Variants in PATJ observed in about 807,000 individuals in gnomAD.
The protein encoded by PATJ is PATJ crumbs cell polarity complex component, also known as inaD-like protein.
PATJ carries 190 observed loss-of-function variants against 224.9 expected under a neutral mutation model. That is an observed-to-expected ratio of 0.84 (90% CI 0.75 to 0.95). The LOEUF is 0.95. PATJ is among the 40% of genes least tolerant of loss of function. PATJ has a pLI of 0.00. For missense variants in PATJ, 2,121 were observed against 2,270.3 expected, an observed-to-expected ratio of 0.93 and a Z score of 1.34; for synonymous variants, 769 against 820.3, an observed-to-expected ratio of 0.94 and a Z score of 1.07.
Position 62,114,116 on chromosome 1 carries a change from C to A in PATJ, c.4525C>A (p.Pro1509Thr), listed in dbSNP as rs752169166. The A allele has an allele frequency of 1.2e-6, 2 of 1,614,126 alleles. No individual in the cohort carries two copies. The highest frequency in any genetic ancestry group is 1.1e-5 in the South Asian group (1 of 91,074). The stretch of plus-strand genomic sequence containing the variant: ...AGCCATCACAGCCCTGAGGCAGACC[C>A]CCCAGAAGGTGCGGCTGGTGGTGTA... ...EEAITALRQTPQKVRLVVYRD... is the reference protein window; with the variant it reads ...EEAITALRQTTQKVRLVVYRD... The change falls in exon 35 of 44, where the codon CCC becomes ACC. Residue 1509 changes from proline (P) to threonine (T), a missense_variant. Physicochemically the swap from Pro to Thr is conservative, Grantham distance 38. Coordinates refer to ENST00000642238, the MANE Select transcript of PATJ (RefSeq NM_001350145.3).
At chr1:61,920,329 C>T (rs1047802608) in intron 26 of PATJ, among the ~76,000 whole-genome samples, 1 of 152,016 alleles carries the variant, frequency 6.6e-6, no homozygotes, top group Non-Finnish European at 1.5e-5. Flanking sequence ...ATCATGGGGG[C>T]GGGTCTTTCC....
At chr1:62,042,359 G>A (rs886520137) in intron 30 of PATJ, among the ~76,000 whole-genome samples, 4 of 152,156 alleles carry the variant, frequency 2.6e-5, no homozygotes, top group African/African-American at 9.7e-5. Flanking sequence ...TATGTGAAGA[G>A]GACGCATATC....
In PATJ at chr1:62,161,198, A is replaced by AGGTTTCAT. The variant is rs1424964319; in HGVS notation, c.*146_*153dup. The AGGTTTCAT allele has an allele frequency of 5.6e-6, 3 of 539,212 alleles. No individual in the cohort carries two copies. In the African/African-American group the frequency reaches 5.8e-5, roughly 10 times the overall value. The allele number at this position is 539,212 out of a possible 1,614,324, so 33.4% of individuals were successfully genotyped here. On this transcript the variant is annotated 3_prime_UTR_variant, in exon 44 of 44. Coordinates refer to ENST00000642238, the MANE Select transcript of PATJ (RefSeq NM_001350145.3). ...CCTCTCTGCTCAGGAGAAATGGCTG[A>AGGTTTCAT]GGTTTCATGTGAATTTCCCAAATCA...
chr1:62,147,796 TAAA>T (rs34657838), intron 41 of PATJ, among the ~76,000 whole-genome samples: 2 of 128,448 alleles, frequency 1.6e-5, no homozygotes, highest in Non-Finnish European at 3.3e-5. Context: ...AGACTCCGAC[TAAA>T]AAAAAAAAAA....
intron 31 of PATJ, among the ~76,000 whole-genome samples, chr1:62,068,122 G>A (rs545073802): frequency 6.6e-6 from 1 of 152,172 alleles, no homozygotes; most frequent in Non-Finnish European, 1.5e-5. Flanking sequence ...CTCAGTTCAC[G>A]TCATTCACCT....
chr1:61,787,459 A>T (rs1286869636), intron 7 of PATJ, among the ~76,000 whole-genome samples: 1 of 152,280 alleles, frequency 6.6e-6, no homozygotes, highest in South Asian at 2.1e-4. Context: ...TCTTCCTTGC[A>T]CACGTGACCA....
At position 62,161,266 on chromosome 1, in the gene PATJ, C is replaced by T. The variant is rs899247615; in HGVS notation, c.*212C>T. On this transcript the variant is annotated 3_prime_UTR_variant, in exon 44 of 44. Transcript: ENST00000642238. ...TTTCCCAGTTCCTGTCACCTGTTGG[C>T]GAGGTTGATTTCTAAAACTTAAATG... 8 of 342,664 alleles carry T rather than the reference C, an allele frequency of 2.3e-5. No individual in the cohort carries two copies. Among genetic ancestry groups the T allele is most frequent in the African/African-American group, 4.3e-5 (2 of 47,040 alleles). The allele number at this position is 342,664 out of a possible 1,614,324, so 21.2% of individuals were successfully genotyped here. A position where few individuals can be genotyped will look rare whatever the true frequency, so the allele number is the denominator to read the frequency against.
intron 7 of PATJ, among the ~76,000 whole-genome samples, chr1:61,776,279 T>C (rs1414539544): frequency 1.3e-5 from 2 of 152,184 alleles, no homozygotes; most frequent in Non-Finnish European, 2.9e-5. Context: ...GTCTGTGAGA[T>C]CCAAACAGCT....
Position 62,116,919 on chromosome 1 carries a change from T to G in PATJ, c.4804-213T>G, listed in dbSNP as rs1346360449. 2.0e-5 allele frequency among the ~76,000 whole-genome samples: 3 copies of G among 152,228 alleles called. No homozygotes were observed. In the East Asian group the frequency reaches 5.8e-4, roughly 29 times the overall value. ...TTCACAAGCAAGTTTTTCATACTTG[T>G]GAGAATTCTAAGTATCCATCACTGT... On this transcript the variant is annotated intron_variant, in intron 36 of 43. Transcript: ENST00000642238.
chr1:62,087,926 T>C (rs1467159908), intron 33 of PATJ, among the ~76,000 whole-genome samples: 2 of 151,190 alleles, frequency 1.3e-5, no homozygotes, highest in Non-Finnish European at 2.9e-5. Context: ...AGTTTCGCTC[T>C]CCTTGCCCAG....
Position 62,125,253 on chromosome 1 carries a change from ACAAAAAAAAAC to A in PATJ, c.5043+2196_5043+2206del, listed in dbSNP as rs1484881027. ...CCCTGTCTCAAAAAAAAAAAAAAAA[ACAAAAAAAAAC>A]AAAAAAAAAACGCCATTAGCTCTAT... On this transcript the variant is annotated intron_variant, in intron 39 of 43. Coordinates refer to ENST00000642238, the MANE Select transcript of PATJ (RefSeq NM_001350145.3). Among the ~76,000 whole-genome samples the A allele has an allele frequency of 1.3e-3, 136 of 101,678 alleles. 8 individuals are homozygous for A. Among genetic ancestry groups the A allele is most frequent in the East Asian group, 3.0e-3 (10 of 3,302 alleles). 66.7% of individuals were successfully genotyped at this position (101,678 alleles called of 152,430 possible). A position where few individuals can be genotyped will look rare whatever the true frequency, so the allele number is the denominator to read the frequency against.
intron 27 of PATJ, among the ~76,000 whole-genome samples, chr1:61,932,620 C>A (rs938493587): frequency 4.6e-5 from 7 of 152,190 alleles, no homozygotes; most frequent in African/African-American, 1.7e-4. Flanking sequence ...CTGTAGTGTG[C>A]GGGACGCAGG....
intron 41 of PATJ, among the ~76,000 whole-genome samples, chr1:62,132,646 T>C (rs192821458): frequency 6.6e-6 from 1 of 152,296 alleles, no homozygotes; most frequent in Admixed American, 6.5e-5. Flanking sequence ...TTCACACCTA[T>C]AATCCCAGCA....
chr1:62,016,035 C>T (rs947743053), intron 28 of PATJ, among the ~76,000 whole-genome samples: 1 of 152,150 alleles, frequency 6.6e-6, no homozygotes, highest in Non-Finnish European at 1.5e-5. Flanking sequence ...AAGTGATTTG[C>T]CTCCCTTGGC....
At chr1:62,122,985 T>A in intron 38 of PATJ, 36 bp from the exon 39 acceptor site, 1 of 1,405,824 alleles carries the variant, frequency 7.1e-7, no homozygotes, top group Non-Finnish European at 9.9e-7. Context: ...TATTATTTTT[T>A]AATATTAAAA....
At chr1:61,906,471 A>G (rs1277045837) in intron 24 of PATJ, among the ~76,000 whole-genome samples, 1 of 152,208 alleles carries the variant, frequency 6.6e-6, no homozygotes, top group Non-Finnish European at 1.5e-5. Context: ...GAAAGGGGCT[A>G]TTAATGCATA....
chr1:62,015,891 A>T (rs1292323367), intron 28 of PATJ, among the ~76,000 whole-genome samples: 7 of 151,642 alleles, frequency 4.6e-5, no homozygotes, highest in African/African-American at 1.7e-4. Context: ...CTGGTCTCGA[A>T]CTCCTGGCCT....
chr1:61,847,445 T>G (rs1162384718), intron 17 of PATJ, among the ~76,000 whole-genome samples: 1 of 152,186 alleles, frequency 6.6e-6, no homozygotes, highest in Non-Finnish European at 1.5e-5. Flanking sequence ...AAAAATCTAT[T>G]CTTACTGCCT....
chr1:61,765,300 T>C (rs1646208102), intron 3 of PATJ, among the ~76,000 whole-genome samples: 2 of 151,598 alleles, frequency 1.3e-5, no homozygotes, highest in South Asian at 4.2e-4. Flanking sequence ...GGTCTTGAAC[T>C]CCTGGCCCTG....
Sources: allele counts gnomAD v4.1 joint callset (sites outside exome capture counted in the v4.1 genomes callset), GRCh38; gene constraint gnomAD v4.1.1; transcripts MANE v1.5; gene names NCBI Gene and HGNC (gene_info 2026-07-23, HGNC 2026-07-21).